The following BBX variants were observed in gnomAD, a reference collection of about 807,000 sequenced individuals.
BBX encodes the protein BBX high mobility group box domain containing.
Under a neutral mutation model 100.2 loss-of-function variants are expected in BBX, and 30 were observed. That is an observed-to-expected ratio of 0.30 (90% CI 0.22 to 0.41). BBX has a LOEUF of 0.41. BBX is among the 10% of genes least tolerant of loss of function. The pLI, the probability that BBX is intolerant of heterozygous loss-of-function variation, is 1.00. For missense variants in BBX, 1,023 were observed against 1,129.8 expected (o/e 0.91, Z 1.35); for synonymous variants, 376 against 388.1 (o/e 0.97, Z 0.37).
At chr3:107,801,977 C>T (rs2070540672) in intron 17 of BBX, among the ~76,000 whole-genome samples, 1 of 152,208 alleles carries the variant, frequency 6.6e-6, no homozygotes, top group African/African-American at 2.4e-5. Flanking sequence ...TTGTAAGCAT[C>T]AGACGAGATC....
chr3:107,524,378 C>G (rs1408702143), intron 1 of BBX: 1 of 152,096 alleles, frequency 6.6e-6, no homozygotes, highest in East Asian at 1.9e-4. Context: ...TTCTTTTCCT[C>G]CTCCACCTCG....
At chr3:107,616,166 A>G (rs1368942901) in intron 2 of BBX, among the ~76,000 whole-genome samples, 3 of 151,592 alleles carry the variant, frequency 2.0e-5, no homozygotes, top group East Asian at 3.9e-4. Context: ...TTGAAGTACA[A>G]AATGCTCTGA....
At chr3:107,543,378 G>A (rs978325563) in intron 2 of BBX, among the ~76,000 whole-genome samples, 3 of 152,122 alleles carry the variant, frequency 2.0e-5, no homozygotes, top group African/African-American at 7.2e-5. Flanking sequence ...GCCAATTCAC[G>A]ACACCATCTT....
In BBX at chr3:107,698,725, G is replaced by A. The variant is rs145922973; in HGVS notation, c.-9-11727G>A. Reference sequence around the variant, plus strand: ...GATTAAAAATCAGTGTTCGGTGATTGATACAGGAGAAAAGGGAATGGATAA... The same window carrying A: ...GATTAAAAATCAGTGTTCGGTGATTAATACAGGAGAAAAGGGAATGGATAA... On this transcript the variant is annotated intron_variant, in intron 3 of 17. Transcript: ENST00000325805. Among the ~76,000 whole-genome samples, 361 of 151,678 alleles carry A rather than the reference G, an allele frequency of 2.4e-3. 10 individuals carry two copies. Among genetic ancestry groups the A allele is most frequent in the African/African-American group, 5.5e-3 (227 of 41,124 alleles).
Position 107,778,375 on chromosome 3 carries a change from G to A in BBX, c.2059G>A (p.Ala687Thr), listed in dbSNP as rs543527927. Residue 687 changes from alanine (A) to threonine (T), a missense_variant, in exon 13 of 18, where the codon GCA becomes ACA. Around this residue, in one of 9 missense-constraint regions of BBX, gnomAD observed 215 missense variants for 211.3 expected, o/e 1.02. Coordinates refer to ENST00000325805, the MANE Select transcript of BBX (RefSeq NM_001142568.3). ...TCCCCTCTCCCCTTTTAATAGCTCC[G>A]CAAAGCTGGATGAAGAATTTGAAAA... The part of the protein sequence containing the change: ...KPKEDCLLGS[A>T]KLDEEFEKKF... 51 of 1,612,756 alleles carry A rather than the reference G, an allele frequency of 3.2e-5. No individual in the cohort carries two copies. The highest frequency in any genetic ancestry group is 8.4e-5 in the Admixed American group (5 of 59,870).
chr3:107,526,432 G>A (rs1411869444), intron 2 of BBX, 34 bp downstream of exon 2: 1 of 398,400 alleles, frequency 2.5e-6, no homozygotes, highest in Non-Finnish European at 4.4e-6. Context: ...AGGGAAGCAG[G>A]ATGACAATTA....
chr3:107,585,202 A>G (rs920054303), intron 2 of BBX, among the ~76,000 whole-genome samples: 1 of 152,140 alleles, frequency 6.6e-6, no homozygotes, highest in African/African-American at 2.4e-5. Context: ...TGTGTAGGCC[A>G]TTGCGATGAT....
At chr3:107,762,654 T>C (rs1194276172) in intron 10 of BBX, among the ~76,000 whole-genome samples, 6 of 152,218 alleles carry the variant, frequency 3.9e-5, no homozygotes, top group Non-Finnish European at 8.8e-5. Context: ...ATTTGTTTTG[T>C]ACTAAAAAGC....
At chr3:107,548,088 G>A (rs75276715) in intron 2 of BBX, among the ~76,000 whole-genome samples, 215 of 152,248 alleles carry the variant, frequency 1.4e-3, no homozygotes, top group African/African-American at 5.1e-3. Flanking sequence ...GGGAGGCATC[G>A]AGGTTTGGAC....
At chr3:107,609,189 A>T (rs374777296) in intron 2 of BBX, among the ~76,000 whole-genome samples, 6 of 152,156 alleles carry the variant, frequency 3.9e-5, no homozygotes, top group East Asian at 3.9e-4. Flanking sequence ...TATCACACTG[A>T]TTGATTTGCA....
At chr3:107,792,136 A>G (rs1437899122) in intron 15 of BBX, among the ~76,000 whole-genome samples, 4 of 152,232 alleles carry the variant, frequency 2.6e-5, no homozygotes. Context: ...ACTGTTAAGC[A>G]TTGAGCCCTT....
chr3:107,716,957 T>C, intron 5 of BBX, 108 bp downstream of exon 5: 7 of 1,317,482 alleles, frequency 5.3e-6, no homozygotes, highest in Non-Finnish European at 7.4e-6. Context: ...AGAAGGTGAA[T>C]CATAAATGAG....
At chr3:107,695,757 C>T (rs972227385) in intron 3 of BBX, among the ~76,000 whole-genome samples, 6 of 148,916 alleles carry the variant, frequency 4.0e-5, no homozygotes, top group Non-Finnish European at 8.9e-5. Context: ...TCCTTGTTGA[C>T]TTTCTGTCTT....
chr3:107,779,020 T>TATATATATATATATATATAC (rs1449263925), intron 13 of BBX, among the ~76,000 whole-genome samples: 5 of 95,816 alleles, frequency 5.2e-5, no homozygotes, highest in African/African-American at 1.6e-4. Flanking sequence ...TATATATATA[T>TATATATATATATATATATAC]ACACACACAC....
At chr3:107,564,692 G>C (rs933071151) in intron 2 of BBX, among the ~76,000 whole-genome samples, 2 of 151,944 alleles carry the variant, frequency 1.3e-5, no homozygotes, top group Non-Finnish European at 2.9e-5. Context: ...ATGTTTTTTT[G>C]AATTTACATG....
intron 3 of BBX, among the ~76,000 whole-genome samples, chr3:107,704,397 A>G (rs2061269318): frequency 6.6e-6 from 1 of 152,222 alleles, no homozygotes; most frequent in African/African-American, 2.4e-5. Context: ...TCTGAAGGTC[A>G]CAACCTTTTG....
chr3:107,582,159 G>A (rs978271370), intron 2 of BBX, among the ~76,000 whole-genome samples: 5 of 151,662 alleles, frequency 3.3e-5, no homozygotes, highest in African/African-American at 9.7e-5. Flanking sequence ...ACCTAGTAGA[G>A]GTATTGTTAA....
At chr3:107,767,058 A>G (rs2066452385) in intron 10 of BBX, among the ~76,000 whole-genome samples, 1 of 152,216 alleles carries the variant, frequency 6.6e-6, no homozygotes, top group Non-Finnish European at 1.5e-5. Context: ...GTCGCAGGAT[A>G]GGGAGCTAGG....
chr3:107,775,884 T>C (rs1166310075), intron 12 of BBX, among the ~76,000 whole-genome samples: 1 of 152,148 alleles, frequency 6.6e-6, no homozygotes, highest in Non-Finnish European at 1.5e-5. Context: ...ATTTTATGTA[T>C]TTCATTTCTA....
Sources: allele counts gnomAD v4.1 joint callset (sites outside exome capture counted in the v4.1 genomes callset), GRCh38; gene constraint gnomAD v4.1.1; regional missense constraint gnomAD v4.1.1; transcripts MANE v1.5; gene names NCBI Gene and HGNC (gene_info 2026-07-23, HGNC 2026-07-21).